Variants in PALLD observed in about 807,000 individuals in gnomAD.
The protein encoded by PALLD is palladin.
In PALLD, 61 loss-of-function variants were observed where a neutral mutation model predicts 123.5. The ratio of observed to expected loss-of-function variants is 0.49; its 90% confidence interval spans 0.40 to 0.61. The LOEUF is 0.61. PALLD is among the 20% of genes least tolerant of loss of function. The pLI is 0.00. For synonymous variants in PALLD, 465 were observed against 496.4 expected, an observed-to-expected ratio of 0.94 and a Z score of 0.84; for missense variants, 1,273 against 1,377.0, an observed-to-expected ratio of 0.92 and a Z score of 1.20.
chr4:168,560,316 A>G (rs1477972057), intron 2 of PALLD, among the ~76,000 whole-genome samples: 1 of 152,172 alleles, frequency 6.6e-6, no homozygotes, highest in African/African-American at 2.4e-5. Flanking sequence ...CACCTTACTG[A>G]ATCCTTTAAG....
At chr4:168,899,917 CAA>C (rs1172762037) in intron 14 of PALLD, among the ~76,000 whole-genome samples, 7 of 108,922 alleles carry the variant, frequency 6.4e-5, no homozygotes, top group Admixed American at 9.7e-5. Flanking sequence ...GACTCCGTCT[CAA>C]AAAAAAAAAA....
rs959672138 is a variant in PALLD, at chr4:168,775,034, C to A, written c.1964+63111C>A. On this transcript the variant is annotated intron_variant, in intron 10 of 21. Transcript: ENST00000505667. ...TATTTTTTGTACATAAATATGATAT[C>A]TATGCTTATAGAGCATATATATCAC... Among the ~76,000 whole-genome samples, 4 of 150,932 alleles carry A rather than the reference C, an allele frequency of 2.7e-5. No individual in the cohort carries two copies. The Admixed American group carries it at 2.7e-4, about 10-fold the overall frequency.
intron 10 of PALLD, among the ~76,000 whole-genome samples, chr4:168,787,842 C>T (rs924989867): frequency 1.3e-5 from 2 of 152,146 alleles, no homozygotes; most frequent in East Asian, 1.9e-4. Flanking sequence ...TTGTCAGCAC[C>T]GGCTCGAGAG....
intron 1 of PALLD, among the ~76,000 whole-genome samples, chr4:168,499,075 A>G (rs1337330995): frequency 1.4e-5 from 2 of 146,252 alleles, no homozygotes; most frequent in Non-Finnish European, 3.0e-5. Flanking sequence ...ATCCATGTGT[A>G]TTTATTAAGA....
chr4:168,869,290 C>T lies in PALLD; in HGVS notation c.1965-21632C>T, dbSNP rs1750757066. Among the ~76,000 whole-genome samples the T allele has an allele frequency of 6.6e-6, 1 of 152,078 alleles. No individual in the cohort carries two copies. Among genetic ancestry groups the T allele is most frequent in the Non-Finnish European group, 1.5e-5 (1 of 68,014 alleles). On this transcript the variant is annotated intron_variant, in intron 10 of 21. Transcript: ENST00000505667. This position sits in a 1 kb window ranked among gnomAD's most constrained non-coding sequence, Gnocchi z 4.5. ...CACTGTAATAATCAAGAAGATAGAA[C>T]ACATCTGGCTCTGGGCGATCTGGGC... is the stretch of plus-strand genomic sequence containing the variant.
intron 2 of PALLD, among the ~76,000 whole-genome samples, chr4:168,639,866 G>C (rs930716037): frequency 2.0e-5 from 3 of 152,002 alleles, no homozygotes; most frequent in Non-Finnish European, 4.4e-5. Context: ...TTAATTTGTG[G>C]CCAGGAAGAG....
At chr4:168,530,467 C>T (rs1019041541) in intron 2 of PALLD, 1 of 152,144 alleles carries the variant, frequency 6.6e-6, no homozygotes, top group African/African-American at 2.4e-5. Flanking sequence ...AACTGAAGTT[C>T]CTGCCTCTCA....
chr4:168,764,476 G>A lies in PALLD; in HGVS notation c.1964+52553G>A, dbSNP rs79280257. On this transcript the variant is annotated intron_variant, in intron 10 of 21. Coordinates refer to ENST00000505667, the MANE Select transcript of PALLD (RefSeq NM_001166108.2). ...GGCTGGAGCACAATAGCTATTCACA[G>A]GTGCAGTCATAGCACACTACGGCCT... is the stretch of plus-strand genomic sequence containing the variant. Among the ~76,000 whole-genome samples the A allele has an allele frequency of 5.1e-3, 771 of 152,148 alleles. 12 individuals carry two copies. The highest frequency in any genetic ancestry group is 0.017 in the African/African-American group (721 of 41,520).
intron 10 of PALLD, among the ~76,000 whole-genome samples, chr4:168,826,174 T>C (rs1743392888): frequency 6.6e-6 from 1 of 152,074 alleles, no homozygotes; most frequent in South Asian, 2.1e-4. Flanking sequence ...CTCATTTGAT[T>C]TGGAAAAGGG....
At chr4:168,516,639 C>A (rs993602380) in intron 2 of PALLD, among the ~76,000 whole-genome samples, 1 of 152,062 alleles carries the variant, frequency 6.6e-6, no homozygotes, top group Non-Finnish European at 1.5e-5. Flanking sequence ...TGGAGTATAA[C>A]TCAGCTCTTA....
intron 2 of PALLD, among the ~76,000 whole-genome samples, chr4:168,572,000 A>G (rs946545836): frequency 6.6e-6 from 1 of 152,064 alleles, no homozygotes; most frequent in African/African-American, 2.4e-5. Flanking sequence ...GCCGAGGCGG[A>G]TGAATCTATT....
chr4:168,926,248 A>C lies in PALLD; in HGVS notation c.*68A>C. 1 of 1,536,542 alleles carries C rather than the reference A, an allele frequency of 6.5e-7. No homozygotes were observed. On this transcript the variant is annotated 3_prime_UTR_variant, in exon 22 of 22. Coordinates refer to ENST00000505667, the MANE Select transcript of PALLD (RefSeq NM_001166108.2). ...TCAGCAGTCACAGAGCACCAAGCCA[A>C]AAAAAGTACGGCCCTCAGCCAGTCG...
chr4:168,521,117 T>G (rs566632219), intron 2 of PALLD, among the ~76,000 whole-genome samples: 17 of 152,326 alleles, frequency 1.1e-4, no homozygotes, highest in African/African-American at 4.1e-4. Flanking sequence ...GTAGTCAGTC[T>G]TGTGCCATAG....
chr4:168,805,314 C>A (rs893939743), intron 10 of PALLD, among the ~76,000 whole-genome samples: 3 of 152,118 alleles, frequency 2.0e-5, no homozygotes, highest in African/African-American at 7.2e-5. Flanking sequence ...TCTTAGTAAC[C>A]ATTCTCTTAA....
chr4:168,733,954 C>G (rs1003570205), intron 10 of PALLD, among the ~76,000 whole-genome samples: 1 of 152,208 alleles, frequency 6.6e-6, no homozygotes, highest in Non-Finnish European at 1.5e-5. Flanking sequence ...CCAGGATGGT[C>G]TCGATCTCCT....
chr4:168,666,986 T>C (rs1034560257), intron 2 of PALLD, among the ~76,000 whole-genome samples: 1 of 152,184 alleles, frequency 6.6e-6, no homozygotes, highest in East Asian at 1.9e-4. Flanking sequence ...ATGGTTTGCA[T>C]TGCATAGAAT....
intron 15 of PALLD, among the ~76,000 whole-genome samples, chr4:168,905,965 T>C (rs1757708761): frequency 1.3e-5 from 2 of 151,920 alleles, no homozygotes; most frequent in South Asian, 4.2e-4. Context: ...AGAGACGGGG[T>C]TTCACCTCAG....
At chr4:168,894,849 C>A in intron 12 of PALLD, 172 bp downstream of exon 12, 1 of 1,019,776 alleles carries the variant, frequency 9.8e-7, no homozygotes, top group Non-Finnish European at 1.4e-6. Context: ...TGAGCACATA[C>A]TATGTTAAGT....
intron 10 of PALLD, among the ~76,000 whole-genome samples, chr4:168,718,576 A>G (rs1277227082): frequency 2.0e-5 from 3 of 152,216 alleles, no homozygotes; most frequent in East Asian, 3.9e-4. Context: ...AGGTAATACA[A>G]TCACACAGTT....
Sources: allele counts gnomAD v4.1 joint callset (sites outside exome capture counted in the v4.1 genomes callset), GRCh38; gene constraint gnomAD v4.1.1; non-coding constraint Gnocchi (gnomAD v3.1); transcripts MANE v1.5; gene names NCBI Gene and HGNC (gene_info 2026-07-23, HGNC 2026-07-21).